Variants in ACTR8 observed in about 807,000 individuals in gnomAD.
ACTR8 encodes actin-related protein 8.
Under a neutral mutation model 84.3 loss-of-function variants are expected in ACTR8, and 70 were observed. The ratio of observed to expected loss-of-function variants is 0.83; its 90% CI spans 0.68 to 1.01. ACTR8 has a LOEUF of 1.01. Among genes scored for constraint, ACTR8 ranks in the 50% least tolerant of loss-of-function variants. ACTR8 has a pLI of 0.00. For missense variants in ACTR8, 672 were observed against 775.4 expected, an observed-to-expected ratio of 0.87 and a Z score of 1.58; for synonymous variants, 268 against 275.2, an observed-to-expected ratio of 0.97 and a Z score of 0.26.
In ACTR8 at chr3:53,880,727, C is replaced by G. The variant is rs553825725; in HGVS notation, c.124-618G>C. Among the ~76,000 whole-genome samples the G allele has an allele frequency of 4.0e-3, 602 of 152,336 alleles. 4 individuals are homozygous for G. Among genetic ancestry groups the G allele is most frequent in the Non-Finnish European group, 6.1e-3 (415 of 68,028 alleles). Reference sequence around the variant, plus strand: ...CAGACATCCTAATCTACTGGCTGGGCCTCCAACACTTCACATCCTCTGTTG... The same window carrying G: ...CAGACATCCTAATCTACTGGCTGGGGCTCCAACACTTCACATCCTCTGTTG... On this transcript the variant is annotated intron_variant, in intron 1 of 12. Coordinates refer to ENST00000335754, the MANE Select transcript of ACTR8 (RefSeq NM_022899.5).
chr3:53,881,878 C>A, intron 1 of ACTR8, 101 bp downstream of exon 1: 1 of 1,516,530 alleles, frequency 6.6e-7, no homozygotes, highest in Non-Finnish European at 8.9e-7. Flanking sequence ...GGGGCTGGGG[C>A]CTGCAAGGGG....
intron 7 of ACTR8, 84 bp from the exon 8 acceptor site, chr3:53,874,448 G>C: frequency 7.0e-7 from 1 of 1,432,860 alleles, no homozygotes; most frequent in Non-Finnish European, 9.4e-7. Flanking sequence ...TTAATGGCTG[G>C]GCATGGTGGT....
At chr3:53,872,980 T>G in intron 9 of ACTR8, 52 bp downstream of exon 9, 1 of 1,379,104 alleles carries the variant, frequency 7.3e-7, no homozygotes, top group South Asian at 1.2e-5. Flanking sequence ...TCAGTTTGAT[T>G]GAACCTGGAT....
At chr3:53,874,403 G>T in intron 7 of ACTR8, 39 bp from the exon 8 acceptor site, 1 of 1,589,970 alleles carries the variant, frequency 6.3e-7, no homozygotes, top group Non-Finnish European at 8.6e-7. Context: ...TAATCTGTTG[G>T]TTAAGAAGGT....
At chr3:53,871,029 C>T (rs1047804881) in intron 11 of ACTR8, 2 of 627,584 alleles carry the variant, frequency 3.2e-6, no homozygotes, top group African/African-American at 1.8e-5. Context: ...AATAATCTGA[C>T]TTATTTTGGC....
At chr3:53,877,413 A>G (rs1158783071) in intron 4 of ACTR8, 26 bp from the exon 5 acceptor site, 1 of 1,562,154 alleles carries the variant, frequency 6.4e-7, no homozygotes, top group Non-Finnish European at 8.6e-7. Flanking sequence ...GGAGATGAGT[A>G]CTTTGTTAAA....
chr3:53,863,010 AGAT>A (rs1259642256), downstream of ACTR8, among the ~76,000 whole-genome samples: 1 of 152,190 alleles, frequency 6.6e-6, no homozygotes, highest in African/African-American at 2.4e-5. Flanking sequence ...CTACTCAACA[AGAT>A]GATGACAAGA....
chr3:53,877,550 C>T lies in ACTR8; in HGVS notation c.510+97G>A, dbSNP rs546487278. ...TGGTACTCAAAGCAGGGTTATAGAA[C>T]GCTAGGAAACAACTAGGACTGGGTG... On this transcript the variant is annotated intron_variant, in intron 4 of 12. Coordinates refer to ENST00000335754, the MANE Select transcript of ACTR8 (RefSeq NM_022899.5). The T allele has an allele frequency of 8.8e-5, 120 of 1,366,832 alleles. 2 individuals are homozygous for T. In the South Asian group the frequency reaches 1.0e-3, roughly 12 times the overall value. The allele number at this position is 1,366,832 out of a possible 1,614,324, so 84.7% of individuals were successfully genotyped here. A position where few individuals can be genotyped will look rare whatever the true frequency, so the allele number is the denominator to read the frequency against.
intron 7 of ACTR8, 89 bp from the exon 8 acceptor site, chr3:53,874,453 G>A: frequency 7.2e-7 from 1 of 1,391,272 alleles, no homozygotes; most frequent in Non-Finnish European, 9.7e-7. Context: ...GGCTGGGCAT[G>A]GTGGTTCCTG....
chr3:53,877,672 T>A lies in ACTR8; in HGVS notation c.485A>T (p.His162Leu), dbSNP rs751522657. The change falls in exon 4 of 13, where the codon CAC becomes CTC. Residue 162 changes from histidine (H) to leucine (L), a missense_variant. By Grantham distance (99) the His-to-Leu change is moderately conservative. Coordinates refer to ENST00000335754, the MANE Select transcript of ACTR8 (RefSeq NM_022899.5). ...CTCTTCTCCTACTAAATACTCAGGG[T>A]GATGAGATGTGTTTGTCCACTTATT... is the stretch of plus-strand genomic sequence containing the variant. Reference protein sequence around the residue: ...SGNKWTNTSHHPEYLVGEEAL... With the variant: ...SGNKWTNTSHLPEYLVGEEAL... 1 of 1,614,018 alleles carries A rather than the reference T, an allele frequency of 6.2e-7. No individual in the cohort carries two copies. Among genetic ancestry groups the A allele is most frequent in the Non-Finnish European group, 8.5e-7 (1 of 1,179,916 alleles).
At chr3:53,881,576 G>C (rs1559796482) in intron 1 of ACTR8, 2 of 290,370 alleles carry the variant, frequency 6.9e-6, no homozygotes, top group African/African-American at 4.7e-5. Context: ...AACAAGCACA[G>C]GCTGACGCTC....
rs1255757319 is a variant in ACTR8, at chr3:53,872,461, G to A, written c.1225C>T (p.Gln409Ter). Reference protein sequence around the residue: ...GIVGQKMTTLQHRSQGDPEDP... With the variant: ...GIVGQKMTTL ...TCAGGATCGCCCTGAGATCTGTGCT[G>A]CAAAGTCGTCATTTTCTGTCCAACG... Residue 409 changes from glutamine to a stop codon, truncating the protein, a stop_gained, in exon 10 of 13, where the codon CAG (glutamine) becomes TAG (stop). Transcript: ENST00000335754. LOFTEE classifies it high-confidence loss of function. 1 of 1,610,836 alleles carries A rather than the reference G, an allele frequency of 6.2e-7. No homozygotes were observed. The highest frequency in any genetic ancestry group is 8.5e-7 in the Non-Finnish European group (1 of 1,178,874).
intron 1 of ACTR8, chr3:53,881,738 G>T: frequency 1.6e-6 from 1 of 613,080 alleles, no homozygotes; most frequent in Non-Finnish European, 2.8e-6. Flanking sequence ...ACGGTGGGGC[G>T]TGCGGGAGAT....
rs2107044813 is a variant in ACTR8, at chr3:53,868,197, CAAAA to C, written c.*518_*521del. On this transcript the variant is annotated 3_prime_UTR_variant, in exon 13 of 13. Transcript: ENST00000335754. Reference sequence around the variant, plus strand: ...ATCCAACAGAAAATGAAAAAAAAAACAAAAACCACCAAAACTTTTTCCCCCTATT... The same window carrying C: ...ATCCAACAGAAAATGAAAAAAAAAACACCACCAAAACTTTTTCCCCCTATT... 1 of 145,434 alleles carries C rather than the reference CAAAA, an allele frequency of 6.9e-6. No individual in the cohort carries two copies. Among genetic ancestry groups the C allele is most frequent in the South Asian group, 2.2e-4 (1 of 4,566 alleles). 9.0% of individuals were successfully genotyped at this position (145,434 alleles called of 1,614,324 possible).
chr3:53,860,217 T>C, the ACTR8 span: 2 of 1,612,914 alleles, frequency 1.2e-6, no homozygotes, highest in South Asian at 2.2e-5. Context: ...ATCTATCTAA[T>C]GTGGAGGCAC....
At position 53,879,925 on chromosome 3, in the gene ACTR8, C is replaced by T. The variant is rs1274887406; in HGVS notation, c.294+14G>A. The T allele has an allele frequency of 1.9e-6, 3 of 1,596,624 alleles. No individual in the cohort carries two copies. Among genetic ancestry groups the T allele is most frequent in the Admixed American group, 1.7e-5 (1 of 58,766 alleles). On this transcript the variant is annotated intron_variant, in intron 2 of 12. Coordinates refer to ENST00000335754, the MANE Select transcript of ACTR8 (RefSeq NM_022899.5). ...ACAACCTTAGGCTTTCTCTCCAGGT[C>T]GTTTTTGACTTACATTTAGTCCCTC...
rs185272751 is a variant in ACTR8 at position 53,879,070 on chromosome 3, A to C, written c.295-603T>G. 2.1e-3 allele frequency among the ~76,000 whole-genome samples: 326 copies of C among 152,358 alleles called. 13 individuals are homozygous for C. In the South Asian group the frequency reaches 0.065, roughly 30 times the overall value. On this transcript the variant is annotated intron_variant, in intron 2 of 12. Coordinates refer to ENST00000335754, the MANE Select transcript of ACTR8 (RefSeq NM_022899.5). ...TTCATATGTTGATCAGCAAGGCTTA[A>C]ACTTTTTGGTTAAGCCATAAACTTA...
At chr3:53,879,869 GGT>G (rs1700032058) in intron 2 of ACTR8, 68 bp downstream of exon 2, 1 of 1,379,872 alleles carries the variant, frequency 7.2e-7, no homozygotes, top group South Asian at 1.5e-5. Context: ...TTAAGATTCT[GGT>G]GTACTTGTGT....
intron 1 of ACTR8, 120 bp from the exon 2 acceptor site, chr3:53,880,229 T>G (rs1033150342): frequency 1.1e-5 from 12 of 1,059,206 alleles, no homozygotes; most frequent in Non-Finnish European, 1.6e-5. Context: ...AATAATTCAA[T>G]AAAGTTCTTT....
Sources: gnomAD v4.1 joint callset for allele counts (sites outside exome capture counted in the v4.1 genomes callset) on GRCh38, gnomAD v4.1.1 for gene constraint, MANE v1.5 for transcripts, NCBI Gene and HGNC (gene_info 2026-07-23, HGNC 2026-07-21) for gene names.